Variants in KIR2DL4 observed in about 807,000 individuals in gnomAD.
The protein encoded by KIR2DL4 is killer cell immunoglobulin like receptor, two Ig domains and long cytoplasmic tail 4, also known as killer cell immunoglobulin-like receptor 2DL4.
KIR2DL4 carries 41 observed loss-of-function variants against 31.0 expected under a neutral mutation model. That is an observed-to-expected ratio of 1.32 (90% CI 1.03 to 1.72). KIR2DL4 has a LOEUF of 1.72. KIR2DL4 is among the 40% of genes most tolerant of loss of function. The pLI is 0.00. For synonymous variants in KIR2DL4, 164 were observed against 133.6 expected (o/e 1.23, Z -1.57); for missense variants, 438 against 353.7 (o/e 1.24, Z -1.91).
intron 5 of KIR2DL4, among the ~76,000 whole-genome samples, chr19:54,812,784 C>G (rs3865510): frequency 7.4e-6 from 1 of 134,342 alleles, no homozygotes; most frequent in Admixed American, 7.6e-5. Flanking sequence ...AACTTGCTAA[C>G]CCCGTCCTCT....
chr19:54,814,210 C>T lies in KIR2DL4; in HGVS notation c.*410C>T, dbSNP rs1307687548. 1.0e-5 allele frequency: 13 copies of T among 1,275,318 alleles called. No individual in the cohort carries two copies. The African/African-American group carries it at 1.1e-4, about 10-fold the overall frequency. 79.0% of individuals were successfully genotyped at this position (1,275,318 alleles called of 1,614,324 possible). ...TGTCTAAGGTCCCCACTGCCTGCTGCAGAGAAAACACACTCCTTTGCTTAG... is the reference window on the plus strand; with the variant it reads ...TGTCTAAGGTCCCCACTGCCTGCTGTAGAGAAAACACACTCCTTTGCTTAG... On this transcript the variant is annotated 3_prime_UTR_variant, in exon 8 of 8. Coordinates refer to ENST00000359085, the Ensembl canonical transcript of KIR2DL4.
At chr19:54,803,749 T>C in intron 1 of KIR2DL4, 58 bp downstream of exon 1, 1 of 1,587,306 alleles carries the variant, frequency 6.3e-7, no homozygotes, top group South Asian at 1.1e-5. Flanking sequence ...AGATTGGGTG[T>C]CTCCCCAGCA....
chr19:54,810,373 C>A (rs1391234495), intron 5 of KIR2DL4, among the ~76,000 whole-genome samples: 1 of 151,144 alleles, frequency 6.6e-6, no homozygotes, highest in Non-Finnish European at 1.5e-5. Flanking sequence ...GGGATCCGCC[C>A]GTCTCAGCCT....
At chr19:54,814,381 C>A (rs1276762442) in exon 8 of KIR2DL4, 1 of 477,052 alleles carries the variant, frequency 2.1e-6, no homozygotes, top group Admixed American at 3.7e-5. Flanking sequence ...CACTTAGACA[C>A]GTGCTGTTCC....
At chr19:54,809,017 C>A in intron 5 of KIR2DL4, 134 bp downstream of exon 5, 1 of 788,252 alleles carries the variant, frequency 1.3e-6, no homozygotes, top group Non-Finnish European at 2.3e-6. Context: ...ACCCCAGACA[C>A]TCCAACAGCG....
At chr19:54,808,880 A>T in exon 5 of KIR2DL4, 2 of 1,604,034 alleles carry the variant, frequency 1.2e-6, no homozygotes, top group Non-Finnish European at 1.7e-6. Flanking sequence ...AAGCTTCAAA[A>T]CTGGTAAGTG....
At chr19:54,813,338 G>A in intron 6 of KIR2DL4, 1 of 1,524,168 alleles carries the variant, frequency 6.6e-7, no homozygotes, top group Non-Finnish European at 8.8e-7. Context: ...GCCCAAGGCA[G>A]GAGCCAGAGG....
chr19:54,808,812 C>T (rs56218903), intron 4 of KIR2DL4, 21 bp from the exon 5 acceptor site: 2 of 1,537,914 alleles, frequency 1.3e-6, no homozygotes, highest in East Asian at 4.5e-5. Context: ...TGCCACACCT[C>T]TCTCCTGTCC....
intron 4 of KIR2DL4, among the ~76,000 whole-genome samples, chr19:54,807,325 C>T (rs2060588395): frequency 6.6e-6 from 1 of 151,398 alleles, no homozygotes; most frequent in African/African-American, 2.4e-5. Flanking sequence ...AGTGCTGGAA[C>T]AGTCATGGGA....
exon 3 of KIR2DL4, chr19:54,804,985 C>A: frequency 6.2e-7 from 1 of 1,612,014 alleles, no homozygotes; most frequent in Non-Finnish European, 8.5e-7. Context: ...GTGACCCCAG[C>A]ACACGCAGGG....
intron 4 of KIR2DL4, among the ~76,000 whole-genome samples, chr19:54,807,406 C>A (rs1373016424): frequency 6.6e-6 from 1 of 151,646 alleles, no homozygotes; most frequent in Admixed American, 6.6e-5. Flanking sequence ...ATTGCTAGAT[C>A]CTCTGGATGT....
In KIR2DL4 at chr19:54,813,556, A is replaced by C. The variant is rs2061006479; in HGVS notation, c.811-134A>C. Reference sequence around the variant, plus strand: ...GGGGTCTTGCACTCAGAGAGATGGAATGTCTGAGTCTGGCTGTTGGCAGCT... The same window carrying C: ...GGGGTCTTGCACTCAGAGAGATGGACTGTCTGAGTCTGGCTGTTGGCAGCT... On this transcript the variant is annotated intron_variant, in intron 6 of 7. Coordinates refer to ENST00000359085, the Ensembl canonical transcript of KIR2DL4. The C allele has an allele frequency of 2.0e-5, 18 of 899,426 alleles. No individual in the cohort carries two copies. The South Asian group carries it at 2.7e-4, about 13-fold the overall frequency. 55.7% of individuals were successfully genotyped at this position (899,426 alleles called of 1,614,324 possible). A position where few individuals can be genotyped will look rare whatever the true frequency, so the allele number is the denominator to read the frequency against.
rs1450995202 is a variant in KIR2DL4, at chr19:54,808,770, A to T, written c.656-63A>T. On this transcript the variant is annotated intron_variant, in intron 4 of 7. Coordinates refer to ENST00000359085, the Ensembl canonical transcript of KIR2DL4. ...TGTTGGCCATGAACCAACCTCAAAG[A>T]TTTCCATTGAGTAGAAGACAGGCAT... The T allele has an allele frequency of 1.8e-5, 22 of 1,214,358 alleles. 1 individual carries two copies. In the Admixed American group the frequency reaches 3.5e-4, roughly 19 times the overall value. The allele number at this position is 1,214,358 out of a possible 1,614,324, so 75.2% of individuals were successfully genotyped here. A position where few individuals can be genotyped will look rare whatever the true frequency, so the allele number is the denominator to read the frequency against.
In KIR2DL4 at chr19:54,803,820, C is replaced by A; in HGVS notation, c.41-71C>A. ...TGAGTTAATTTTCAGTCCAGCGTGG[C>A]GCCCAGTGGCTCAGGAGGAAAGGGT... On this transcript the variant is annotated intron_variant, in intron 1 of 7. Transcript: ENST00000359085. The A allele has an allele frequency of 4.5e-6, 7 of 1,560,140 alleles. 1 individual carries two copies. In the South Asian group the frequency reaches 6.8e-5, roughly 15 times the overall value.
At chr19:54,814,113 G>T in exon 8 of KIR2DL4, 2 of 1,610,170 alleles carry the variant, frequency 1.2e-6, no homozygotes, top group South Asian at 2.2e-5. Flanking sequence ...GGAATCTGAA[G>T]GCGTGAGTCT....
intron 6 of KIR2DL4, chr19:54,813,417 T>G (rs2060996838): frequency 1.2e-6 from 1 of 833,716 alleles, no homozygotes; most frequent in African/African-American, 1.8e-5. Context: ...TGCCTGATTG[T>G]GAACTGTATC....
chr19:54,804,659 T>A, intron 2 of KIR2DL4, 134 bp from the exon 3 acceptor site: 1 of 887,904 alleles, frequency 1.1e-6, no homozygotes, highest in Admixed American at 2.4e-5. Context: ...GCGGGATGGG[T>A]CCTTCCTGTA....
rs368894609 is a variant in KIR2DL4 at position 54,809,696 on chromosome 19, C to T, written c.706+813C>T. On this transcript the variant is annotated intron_variant, in intron 5 of 7. Transcript: ENST00000359085. ...TGGTCACGCCTCTCACACGGCATCA[C>T]TCAGACCCTTCTTCCTTGTCCACAC... Among the ~76,000 whole-genome samples the T allele has an allele frequency of 2.0e-4, 31 of 151,490 alleles. 3 individuals are homozygous for T. In the South Asian group the frequency reaches 6.5e-3, roughly 32 times the overall value.
chr19:54,813,413 A>C, intron 6 of KIR2DL4: 1 of 840,012 alleles, frequency 1.2e-6, no homozygotes, highest in South Asian at 1.7e-5. Context: ...CCGTTGCCTG[A>C]TTGTGAACTG....
Sources: allele counts gnomAD v4.1 joint callset (sites outside exome capture counted in the v4.1 genomes callset), GRCh38; gene constraint gnomAD v4.1.1; transcripts MANE v1.5; gene names NCBI Gene and HGNC (gene_info 2026-07-23, HGNC 2026-07-21).